FBXW7: variants seen among roughly 807,000 people sequenced by gnomAD.
FBXW7 encodes the protein F-box and WD repeat domain containing 7.
In FBXW7, 11 loss-of-function variants were observed where a neutral mutation model predicts 86.3. The ratio of observed to expected loss-of-function variants is 0.13; its 90% CI spans 0.08 to 0.21. FBXW7 has a LOEUF of 0.21. FBXW7 is among the 10% of genes least tolerant of loss of function. The probability of loss-of-function intolerance (pLI) is 1.00; values close to 1 mark genes in which losing one functional copy is unlikely to be tolerated. For synonymous variants in FBXW7, 313 were observed against 297.9 expected (o/e 1.05, Z -0.52); for missense variants, 488 against 847.4 (o/e 0.58, Z 5.27).
At chr4:152,375,887 G>T (rs530886242) in intron 4 of FBXW7, among the ~76,000 whole-genome samples, 1 of 152,166 alleles carries the variant, frequency 6.6e-6, no homozygotes, top group East Asian at 1.9e-4. Flanking sequence ...GTACAGTGAT[G>T]TGGTTAAATT....
chr4:152,386,427 G>A (rs958333528), intron 4 of FBXW7, among the ~76,000 whole-genome samples: 6 of 152,050 alleles, frequency 3.9e-5, no homozygotes, highest in African/African-American at 1.4e-4. Context: ...TCTAGTAAGT[G>A]TTCGATAGTG....
chr4:152,392,773 A>G (rs924514020), intron 4 of FBXW7, among the ~76,000 whole-genome samples: 12 of 152,218 alleles, frequency 7.9e-5, no homozygotes, highest in African/African-American at 2.9e-4. Flanking sequence ...TGGAAAGGAC[A>G]ACAGGTGATT....
chr4:152,417,162 G>A (rs561041954), intron 2 of FBXW7, among the ~76,000 whole-genome samples: 1 of 152,160 alleles, frequency 6.6e-6, no homozygotes, highest in Admixed American at 6.5e-5. Flanking sequence ...ATTATCTCCA[G>A]TCAGACTCCT....
intron 2 of FBXW7, among the ~76,000 whole-genome samples, chr4:152,523,859 CA>C (rs1749251834): frequency 6.6e-6 from 1 of 152,170 alleles, no homozygotes; most frequent in Non-Finnish European, 1.5e-5. Context: ...AAGTAAGTTT[CA>C]AGAGAGCAGG....
chr4:152,408,129 TGAGAA>T lies in FBXW7; in HGVS notation c.501+3169_501+3173del, dbSNP rs1328836387. ...ACTAATTTGAGGTAAGGAAGTTATG[TGAGAA>T]GAGAACAGGTGGAAGCCACTAAGAT... On this transcript the variant is annotated intron_variant, in intron 4 of 13. Transcript: ENST00000281708. 1.3e-4 allele frequency among the ~76,000 whole-genome samples: 20 copies of T among 152,330 alleles called. No individual in the cohort carries two copies. The East Asian group carries it at 3.9e-3, about 29-fold the overall frequency.
At chr4:152,382,833 C>A (rs555253952) in intron 4 of FBXW7, among the ~76,000 whole-genome samples, 1 of 152,044 alleles carries the variant, frequency 6.6e-6, no homozygotes, top group East Asian at 1.9e-4. Flanking sequence ...GTTTTGAATT[C>A]TGTTACAAAT....
At chr4:152,493,412 G>T (rs1021430067) in intron 2 of FBXW7, among the ~76,000 whole-genome samples, 1 of 152,036 alleles carries the variant, frequency 6.6e-6, no homozygotes, top group Admixed American at 6.6e-5. Flanking sequence ...TGATCCACCC[G>T]CCTCGGCCTC....
intron 2 of FBXW7, among the ~76,000 whole-genome samples, chr4:152,424,424 C>T (rs1335509614): frequency 3.3e-5 from 5 of 152,148 alleles, no homozygotes; most frequent in African/African-American, 1.2e-4. Context: ...TAGCTAGAGA[C>T]ACTAAACCAA....
intron 13 of FBXW7, chr4:152,323,452 G>C (rs139535349): frequency 2.5e-6 from 1 of 401,486 alleles, no homozygotes; most frequent in Non-Finnish European, 4.6e-6. Context: ...TGAGGATGTA[G>C]ATAGTGCAAC....
intron 9 of FBXW7, among the ~76,000 whole-genome samples, chr4:152,330,183 CA>C (rs886552013): frequency 3.3e-5 from 5 of 151,398 alleles, no homozygotes; most frequent in African/African-American, 1.2e-4. Flanking sequence ...ATTCTTAAAA[CA>C]AAAAAAATCA....
chr4:152,481,437 A>G (rs1579315596), intron 2 of FBXW7, among the ~76,000 whole-genome samples: 2 of 152,346 alleles, frequency 1.3e-5, no homozygotes, highest in South Asian at 2.1e-4. Context: ...CATGCCTGCT[A>G]CCACCACATC....
rs778748560 is a variant in FBXW7 at position 152,411,751 on chromosome 4, G to A, written c.53C>T (p.Ser18Phe). ...GCTTGAGGAAGGGTTACCTCTCAGA[G>A]AGCCTCCAGTTCGTCGTCTTTTGCT... ...VGSKRRRTGG[S>F]LRGNPSSSQV... Residue 18 changes from serine (S) to phenylalanine (F), a missense_variant, in exon 4 of 14, where the codon TCT (serine) becomes TTT (phenylalanine). Transcript: ENST00000281708. The A allele has an allele frequency of 6.2e-7, 1 of 1,613,476 alleles. No homozygotes were observed. Among genetic ancestry groups the A allele is most frequent in the Non-Finnish European group, 8.5e-7 (1 of 1,179,750 alleles).
At chr4:152,413,447 T>C (rs547964636) in intron 2 of FBXW7, among the ~76,000 whole-genome samples, 2 of 152,186 alleles carry the variant, frequency 1.3e-5, no homozygotes, top group African/African-American at 4.8e-5. Flanking sequence ...GAATTTTAAA[T>C]TGAAAATGTT....
At chr4:152,380,070 T>C (rs891046346) in intron 4 of FBXW7, among the ~76,000 whole-genome samples, 1 of 152,146 alleles carries the variant, frequency 6.6e-6, no homozygotes, top group African/African-American at 2.4e-5. Flanking sequence ...GCAATAACTA[T>C]ACATTACATT....
intron 2 of FBXW7, among the ~76,000 whole-genome samples, chr4:152,501,258 T>C (rs1360864931): frequency 1.3e-5 from 2 of 152,226 alleles, no homozygotes; most frequent in Non-Finnish European, 2.9e-5. Context: ...TTGGAAACCA[T>C]CTAAATAGGC....
intron 4 of FBXW7, 199 bp downstream of exon 4, chr4:152,411,104 G>T: frequency 1.1e-6 from 1 of 918,610 alleles, no homozygotes; most frequent in Admixed American, 3.5e-5. Context: ...CCCTCCATTT[G>T]TACTCAGATT....
chr4:152,388,072 ATAAAT>A (rs981868528), intron 4 of FBXW7, among the ~76,000 whole-genome samples: 46 of 151,968 alleles, frequency 3.0e-4, no homozygotes, highest in African/African-American at 1.1e-3. Context: ...GGTATGTCAA[ATAAAT>A]TAAAATGTTT....
chr4:152,526,319 C>T (rs1227837652), intron 2 of FBXW7, among the ~76,000 whole-genome samples: 1 of 152,086 alleles, frequency 6.6e-6, no homozygotes, highest in Non-Finnish European at 1.5e-5. Flanking sequence ...TGAAGGAAAG[C>T]ATACCAAAAC....
intron 5 of FBXW7, chr4:152,348,724 T>C (rs1302873000): frequency 9.4e-6 from 11 of 1,168,116 alleles, no homozygotes; most frequent in Admixed American, 7.6e-5. Flanking sequence ...ATTTAAAAAA[T>C]AGCATTAACA....
Sources: gnomAD v4.1 joint callset for allele counts (sites outside exome capture counted in the v4.1 genomes callset) on GRCh38, gnomAD v4.1.1 for gene constraint, MANE v1.5 for transcripts, NCBI Gene and HGNC (gene_info 2026-07-23, HGNC 2026-07-21) for gene names.